The following LIMK1 variants were observed in gnomAD, a reference collection of about 807,000 sequenced individuals.
The protein encoded by LIMK1 is LIM motif-containing protein kinase.
In LIMK1, 21 loss-of-function variants were observed where a neutral mutation model predicts 77.6. The ratio of observed to expected loss-of-function variants is 0.27; its 90% confidence interval spans 0.19 to 0.39. The LOEUF is 0.39. LIMK1 is among the 10% of genes least tolerant of loss of function. The pLI is 1.00. For missense variants in LIMK1, 696 were observed against 901.6 expected (o/e 0.77, Z 2.92); for synonymous variants, 358 against 370.0 (o/e 0.97, Z 0.37).
Position 74,105,985 on chromosome 7 carries a change from G to C in LIMK1, c.714+5G>C. On this transcript the variant is annotated splice_donor_5th_base_variant and intron_variant, in intron 6 of 15. Coordinates refer to ENST00000336180, the MANE Select transcript of LIMK1 (RefSeq NM_002314.4). ...CGAAATGTGCCCCTGGACGAGGTAC[G>C]GTCCTGAGTCTGTGGGGCAGGACGG... 6.2e-7 allele frequency: 1 copy of C among 1,613,798 alleles called. No homozygotes were observed. The highest frequency in any genetic ancestry group is 1.6e-4 in the Middle Eastern group (1 of 6,062).
chr7:74,091,256 A>G (rs1187367196), intron 2 of LIMK1, among the ~76,000 whole-genome samples: 1 of 151,576 alleles, frequency 6.6e-6, no homozygotes, highest in African/African-American at 2.4e-5. Flanking sequence ...AAGGCTGGTA[A>G]CTCACGCCTG....
intron 13 of LIMK1, 89 bp from the exon 14 acceptor site, chr7:74,120,494 G>A: frequency 2.1e-6 from 3 of 1,428,474 alleles, no homozygotes; most frequent in East Asian, 2.3e-5. Context: ...CCCGGCCGGG[G>A]CATCCTCCCA....
intron 9 of LIMK1, among the ~76,000 whole-genome samples, chr7:74,108,667 G>T (rs1799632539): frequency 1.3e-5 from 2 of 150,750 alleles, no homozygotes; most frequent in South Asian, 4.2e-4. Context: ...AAAAAGAAAA[G>T]AAAAAAGAAA....
At chr7:74,097,235 C>A in intron 4 of LIMK1, 46 bp downstream of exon 4, 1 of 1,276,932 alleles carries the variant, frequency 7.8e-7, no homozygotes, top group South Asian at 1.4e-5. Context: ...CCACCTGTGT[C>A]ACAGATCTGC....
At chr7:74,117,265 G>A (rs1326720868) in intron 13 of LIMK1, among the ~76,000 whole-genome samples, 2 of 152,056 alleles carry the variant, frequency 1.3e-5, no homozygotes, top group Non-Finnish European at 2.9e-5. Flanking sequence ...CGATCCTCCT[G>A]CCTTGACCTT....
intron 2 of LIMK1, chr7:74,092,992 GGGTC>G: frequency 1.6e-6 from 1 of 615,818 alleles, no homozygotes; most frequent in East Asian, 3.3e-5. Context: ...TCCCTGCCTG[GGGTC>G]CAAGCCTAGA....
chr7:74,114,412 A>G (rs1201001160), intron 12 of LIMK1, among the ~76,000 whole-genome samples: 1 of 151,930 alleles, frequency 6.6e-6, no homozygotes, highest in East Asian at 1.9e-4. Flanking sequence ...ATTAGCTGGC[A>G]TGGTGGTGAG....
chr7:74,087,917 C>CT (rs1396270769), intron 2 of LIMK1, among the ~76,000 whole-genome samples: 97 of 150,128 alleles, frequency 6.5e-4, no homozygotes, highest in Non-Finnish European at 1.1e-3. Flanking sequence ...TTCTTCTTTT[C>CT]TTTTTTTTTA....
intron 13 of LIMK1, among the ~76,000 whole-genome samples, chr7:74,116,740 T>C (rs1418288699): frequency 6.6e-6 from 1 of 151,216 alleles, no homozygotes; most frequent in Non-Finnish European, 1.5e-5. Context: ...CTCGCTCTGT[T>C]ACTCAGGCTG....
At chr7:74,120,531 A>G (rs1799910090) in intron 13 of LIMK1, 52 bp from the exon 14 acceptor site, 8 of 1,603,010 alleles carry the variant, frequency 5.0e-6, no homozygotes, top group Non-Finnish European at 6.8e-6. Context: ...GCCTTTTGGC[A>G]TCCCTGGCAC....
At chr7:74,096,958 C>T in intron 3 of LIMK1, 122 bp from the exon 4 acceptor site, 3 of 1,032,804 alleles carry the variant, frequency 2.9e-6, no homozygotes, top group Non-Finnish European at 4.2e-6. Flanking sequence ...AGCTCAGCAG[C>T]TGGCCAGCCG....
chr7:74,117,803 CTG>C (rs1799845903), intron 13 of LIMK1, among the ~76,000 whole-genome samples: 2 of 151,858 alleles, frequency 1.3e-5, no homozygotes, highest in African/African-American at 4.8e-5. Context: ...GAGTGAGACC[CTG>C]TCTCAAGAAA....
chr7:74,096,511 A>G, intron 2 of LIMK1, 111 bp from the exon 3 acceptor site: 1 of 1,461,364 alleles, frequency 6.8e-7, no homozygotes. Context: ...AAAAACAAAC[A>G]AAAAGAAAAC....
intron 9 of LIMK1, 96 bp from the exon 10 acceptor site, chr7:74,108,809 G>T: frequency 6.6e-7 from 1 of 1,526,610 alleles, no homozygotes; most frequent in Non-Finnish European, 8.8e-7. Flanking sequence ...CTTTGAGACC[G>T]CCTACAGCCC....
chr7:74,112,052 C>T, intron 12 of LIMK1, 54 bp downstream of exon 12: 5 of 1,393,234 alleles, frequency 3.6e-6, no homozygotes, highest in Non-Finnish European at 4.0e-6. Flanking sequence ...GGAGCCCATC[C>T]AACCCCAGCC....
In LIMK1 at chr7:74,106,199, T is replaced by G. The variant is rs1554697467; in HGVS notation, c.837T>G (p.Thr279=). ...GCCCCCTGAGCTCTCCGGCTTATAC[T>G]CCCAGCGGGGAGGCGGGCAGCTCTG... The part of the protein sequence containing the change: ...ETSPLSSPAY[T]PSGEAGSSAR... Residue 279 remains threonine, a synonymous_variant, in exon 7 of 16, where the codon ACT becomes ACG. Transcript: ENST00000336180. The G allele has an allele frequency of 1.2e-6, 2 of 1,613,786 alleles. No individual in the cohort carries two copies.
At chr7:74,109,372 A>G (rs1799650834) in intron 10 of LIMK1, 1 of 284,840 alleles carries the variant, frequency 3.5e-6, no homozygotes, top group Admixed American at 4.4e-5. Context: ...AAACTAAAAT[A>G]AAATTCAGAG....
chr7:74,093,227 A>C (rs946801285), intron 2 of LIMK1: 8 of 1,535,536 alleles, frequency 5.2e-6, no homozygotes, highest in South Asian at 1.2e-5. Flanking sequence ...AGACCTCCAG[A>C]GCCCCCAGTG....
intron 1 of LIMK1, among the ~76,000 whole-genome samples, chr7:74,084,798 C>T (rs566732289): frequency 6.6e-6 from 1 of 152,314 alleles, no homozygotes; most frequent in South Asian, 2.1e-4. Flanking sequence ...CTGGGGGCCC[C>T]TCCTTGGATC....
Sources: gnomAD v4.1 joint callset for allele counts (sites outside exome capture counted in the v4.1 genomes callset) on GRCh38, gnomAD v4.1.1 for gene constraint, MANE v1.5 for transcripts, NCBI Gene and HGNC (gene_info 2026-07-23, HGNC 2026-07-21) for gene names.